CREM: variants seen among roughly 807,000 people sequenced by gnomAD.
The protein encoded by CREM is cAMP responsive element modulator.
CREM carries 13 observed loss-of-function variants against 37.3 expected under a neutral mutation model. The ratio of observed to expected loss-of-function variants is 0.35; its 90% CI spans 0.23 to 0.55. The LOEUF (loss-of-function observed/expected upper bound fraction) is 0.55, where lower values mean the gene tolerates loss of function less well. CREM is among the 20% of genes least tolerant of loss of function. The probability of loss-of-function intolerance (pLI) is 0.88; values close to 1 mark genes in which losing one functional copy is unlikely to be tolerated. For synonymous variants in CREM, 124 were observed against 120.2 expected, an observed-to-expected ratio of 1.03 and a Z score of -0.21; for missense variants, 296 against 362.3, an observed-to-expected ratio of 0.82 and a Z score of 1.49.
intron 7 of CREM, among the ~76,000 whole-genome samples, chr10:35,209,657 G>C (rs1421527364): frequency 6.6e-6 from 1 of 152,132 alleles, no homozygotes; most frequent in Non-Finnish European, 1.5e-5. Context: ...TGGTAACCAT[G>C]TTTTGTAAAA....
chr10:35,143,159 C>T (rs533284790), intron 2 of CREM, among the ~76,000 whole-genome samples: 9 of 152,056 alleles, frequency 5.9e-5, no homozygotes, highest in Admixed American at 1.3e-4. Flanking sequence ...TTAGTAGAGA[C>T]GGGGTTTCAC....
Position 35,149,938 on chromosome 10 carries a change from A to ACACACC in CREM, c.168+1448_168+1449insACACCC, listed in dbSNP as rs796295851. ...CACACACACACACACACACACACAC[A>ACACACC]CCCTTGTTAAAAAAAATGCATGTTC... On this transcript the variant is annotated intron_variant, in intron 3 of 7. Transcript: ENST00000685392. Among the ~76,000 whole-genome samples, 192 of 145,510 alleles carry ACACACC rather than the reference A, an allele frequency of 1.3e-3. 1 individual carries two copies. The highest frequency in any genetic ancestry group is 4.6e-3 in the East Asian group (23 of 4,992).
At chr10:35,150,878 G>A in intron 3 of CREM, among the ~76,000 whole-genome samples, 1 of 84,598 alleles carries the variant, frequency 1.2e-5, no homozygotes. Context: ...AGTAGTCTTA[G>A]GTTTCTGAGG....
intron 1 of CREM, among the ~76,000 whole-genome samples, chr10:35,133,591 G>A (rs79982758): frequency 0.14 from 21,598 of 152,196 alleles, 1,865 homozygotes; most frequent in East Asian, 0.24. Context: ...GAGCCATGGC[G>A]CCTGTCCAAA....
At chr10:35,205,977 G>A (rs2095509873) in intron 6 of CREM, among the ~76,000 whole-genome samples, 2 of 151,332 alleles carry the variant, frequency 1.3e-5, no homozygotes, top group Admixed American at 6.6e-5. Flanking sequence ...AGCCAGGCGC[G>A]ATGGCTCACA....
At chr10:35,160,604 T>C (rs1313101558) in intron 3 of CREM, among the ~76,000 whole-genome samples, 1 of 152,200 alleles carries the variant, frequency 6.6e-6, no homozygotes, top group Non-Finnish European at 1.5e-5. Context: ...TTGATAAACA[T>C]TGTACACTTA....
At chr10:35,147,481 A>G (rs559266942) in intron 2 of CREM, among the ~76,000 whole-genome samples, 6 of 152,334 alleles carry the variant, frequency 3.9e-5, no homozygotes, top group African/African-American at 1.2e-4. Context: ...GAATTCATAC[A>G]CAAACTTCAA....
At chr10:35,141,796 C>T (rs1023217124) in intron 2 of CREM, among the ~76,000 whole-genome samples, 1 of 151,950 alleles carries the variant, frequency 6.6e-6, no homozygotes, top group African/African-American at 2.4e-5. Context: ...AGCAGAGTCC[C>T]GAAGACATGC....
chr10:35,187,100 G>GCT (rs2094627035), intron 5 of CREM, among the ~76,000 whole-genome samples: 3 of 53,772 alleles, frequency 5.6e-5, no homozygotes, highest in Non-Finnish European at 9.8e-5. Flanking sequence ...TAATATATAT[G>GCT]ATATATATTA....
chr10:35,165,946 T>A (rs1415120713), intron 3 of CREM, among the ~76,000 whole-genome samples: 5 of 152,162 alleles, frequency 3.3e-5, no homozygotes, highest in African/African-American at 1.2e-4. Flanking sequence ...AATGACTGAA[T>A]TATAACACTT....
chr10:35,159,064 G>C (rs1285218458), intron 3 of CREM, among the ~76,000 whole-genome samples: 1 of 151,950 alleles, frequency 6.6e-6, no homozygotes, highest in Non-Finnish European at 1.5e-5. Flanking sequence ...CTATGAAAAA[G>C]TAGTAAATAG....
chr10:35,151,498 C>A (rs1195142165), intron 3 of CREM, among the ~76,000 whole-genome samples: 1 of 152,182 alleles, frequency 6.6e-6, no homozygotes, highest in Non-Finnish European at 1.5e-5. Flanking sequence ...GCCTCAGCCT[C>A]CCGAGTAGCT....
At chr10:35,188,662 T>C (rs1340297238) in intron 6 of CREM, among the ~76,000 whole-genome samples, 1 of 149,014 alleles carries the variant, frequency 6.7e-6, no homozygotes, top group Non-Finnish European at 1.5e-5. Context: ...TGAATGAATT[T>C]TTTTTTTTTT....
At chr10:35,186,978 T>A (rs1260487549) in intron 5 of CREM, among the ~76,000 whole-genome samples, 1 of 94,408 alleles carries the variant, frequency 1.1e-5, no homozygotes, top group Non-Finnish European at 1.9e-5. Flanking sequence ...TTATATATTA[T>A]ATGTGATATA....
At chr10:35,145,874 T>C (rs1421882927) in intron 2 of CREM, among the ~76,000 whole-genome samples, 1 of 152,088 alleles carries the variant, frequency 6.6e-6, no homozygotes, top group Non-Finnish European at 1.5e-5. Flanking sequence ...TTAGTACATA[T>C]TGGAATTGTT....
intron 6 of CREM, among the ~76,000 whole-genome samples, chr10:35,194,455 A>G (rs2095062409): frequency 6.6e-6 from 1 of 152,260 alleles, no homozygotes; most frequent in Non-Finnish European, 1.5e-5. Flanking sequence ...TTTGTAGGCC[A>G]GAAAGTTCAA....
chr10:35,181,892 A>G (rs898232936), intron 5 of CREM, among the ~76,000 whole-genome samples: 1 of 152,216 alleles, frequency 6.6e-6, no homozygotes, highest in Non-Finnish European at 1.5e-5. Flanking sequence ...CAAACAAAAA[A>G]AACACATCTG....
At chr10:35,191,420 C>T (rs1018844326) in intron 6 of CREM, among the ~76,000 whole-genome samples, 2 of 151,642 alleles carry the variant, frequency 1.3e-5, no homozygotes, top group East Asian at 3.9e-4. Flanking sequence ...ATCTTTATTC[C>T]TGTTTTCTTT....
At chr10:35,145,776 C>CAAAAAAAAAAAAAAA (rs370248344) in intron 2 of CREM, among the ~76,000 whole-genome samples, 1 of 85,236 alleles carries the variant, frequency 1.2e-5, no homozygotes. Context: ...GACTCTGCCT[C>CAAAAAAAAAAAAAAA]AAAAAAAAAA....
Sources: gnomAD v4.1 joint callset for allele counts (sites outside exome capture counted in the v4.1 genomes callset) on GRCh38, gnomAD v4.1.1 for gene constraint, MANE v1.5 for transcripts, NCBI Gene and HGNC (gene_info 2026-07-23, HGNC 2026-07-21) for gene names.